SLCO5A1: variants seen among roughly 807,000 people sequenced by gnomAD.
SLCO5A1 encodes the protein organic anion transporter polypeptide-related protein 4.
A neutral mutation model predicts 65.1 loss-of-function variants in SLCO5A1; 39 were observed. The observed-to-expected ratio is 0.60, with a 90% confidence interval of 0.46 to 0.78. The LOEUF is 0.78. Ranked by LOEUF, SLCO5A1 falls within the 30% of genes least tolerant of loss-of-function variation. The pLI is 0.00. For missense variants in SLCO5A1, 1,029 were observed against 1,069.4 expected (o/e 0.96, Z 0.53); for synonymous variants, 438 against 415.7 (o/e 1.05, Z -0.65).
At chr8:69,699,379 C>A (rs1241497705) in intron 6 of SLCO5A1, among the ~76,000 whole-genome samples, 1 of 152,144 alleles carries the variant, frequency 6.6e-6, no homozygotes, top group Non-Finnish European at 1.5e-5. Context: ...GGCTTACAAG[C>A]CTGTAGTCCT....
intron 2 of SLCO5A1, among the ~76,000 whole-genome samples, chr8:69,767,227 C>A (rs572856577): frequency 1.3e-5 from 2 of 152,290 alleles, no homozygotes; most frequent in South Asian, 4.1e-4. Flanking sequence ...AGTGCCCACT[C>A]CCCTCTGAGA....
intron 2 of SLCO5A1, among the ~76,000 whole-genome samples, chr8:69,785,778 G>C (rs1259483728): frequency 2.0e-5 from 3 of 152,102 alleles, no homozygotes; most frequent in Non-Finnish European, 2.9e-5. Context: ...CAAATATCAA[G>C]AGCAAACCAT....
At chr8:69,719,437 T>G (rs923487706) in intron 5 of SLCO5A1, among the ~76,000 whole-genome samples, 5 of 152,066 alleles carry the variant, frequency 3.3e-5, no homozygotes, top group Admixed American at 6.5e-5. Flanking sequence ...TTAATCAACC[T>G]TATAGAAACT....
Position 69,738,039 on chromosome 8 carries a change from C to G in SLCO5A1, c.1423+1G>C. 6.2e-7 allele frequency: 1 copy of G among 1,613,122 alleles called. No homozygotes were observed. Among genetic ancestry groups the G allele is most frequent in the South Asian group, 1.1e-5 (1 of 90,934 alleles). On this transcript the variant is annotated splice_donor_variant, in intron 5 of 9. Transcript: ENST00000260126. LOFTEE classifies it high-confidence loss of function. ...AAGCAGCCCTAGCGGCAGTGCCTTA[C>G]CAGTGTAGATGCTGGCATTGGAGGC...
intron 5 of SLCO5A1, among the ~76,000 whole-genome samples, chr8:69,729,347 G>T (rs1268217436): frequency 6.6e-6 from 1 of 151,112 alleles, no homozygotes; most frequent in Admixed American, 6.6e-5. Context: ...GGGAGGCTGA[G>T]GCAGGAGAAT....
intron 2 of SLCO5A1, among the ~76,000 whole-genome samples, chr8:69,785,839 T>C (rs1390723519): frequency 6.6e-6 from 1 of 152,210 alleles, no homozygotes; most frequent in East Asian, 1.9e-4. Context: ...AGGATATTAA[T>C]ATGTGCAACA....
rs1813259358 is a variant in SLCO5A1 at position 69,669,003 on chromosome 8, AT to A, written c.*3865del. Reference sequence around the variant, plus strand: ...TTCTGAAAGAGGAAAATAAAAAAAAATACACTTGAAATCCCTAAAGCTCAGA... The same window carrying A: ...TTCTGAAAGAGGAAAATAAAAAAAAAACACTTGAAATCCCTAAAGCTCAGA... On this transcript the variant is annotated 3_prime_UTR_variant, in exon 10 of 10. Coordinates refer to ENST00000260126, the MANE Select transcript of SLCO5A1 (RefSeq NM_030958.3). 1 of 152,214 alleles carries A rather than the reference AT, an allele frequency of 6.6e-6. No homozygotes were observed. The highest frequency in any genetic ancestry group is 2.4e-5 in the African/African-American group (1 of 41,456). The allele number at this position is 152,214 out of a possible 1,614,324, so 9.4% of individuals were successfully genotyped here.
intron 2 of SLCO5A1, among the ~76,000 whole-genome samples, chr8:69,818,093 C>G (rs1332476339): frequency 6.6e-6 from 1 of 152,198 alleles, no homozygotes; most frequent in Non-Finnish European, 1.5e-5. Context: ...CATCATTTCT[C>G]TCACTGAACT....
At chr8:69,683,224 G>A (rs761715070) in intron 6 of SLCO5A1, among the ~76,000 whole-genome samples, 9 of 152,226 alleles carry the variant, frequency 5.9e-5, no homozygotes, top group East Asian at 5.8e-4. Context: ...TGTACTGCTC[G>A]TACCCCATGA....
At chr8:69,689,923 C>G (rs1402625624) in intron 6 of SLCO5A1, among the ~76,000 whole-genome samples, 4 of 152,150 alleles carry the variant, frequency 2.6e-5, no homozygotes, top group African/African-American at 9.7e-5. Context: ...TATAAATTAC[C>G]TTGGGCAGTA....
chr8:69,813,128 G>A lies in SLCO5A1; in HGVS notation c.907+18639C>T, dbSNP rs148259996. 1.3e-4 allele frequency among the ~76,000 whole-genome samples: 20 copies of A among 152,214 alleles called. No individual in the cohort carries two copies. In the East Asian group the frequency reaches 3.7e-3, roughly 28 times the overall value. The stretch of plus-strand genomic sequence containing the variant: ...CACATTGATCAGAAATTGATTTACA[G>A]CCAGGAAGTCTAAGATCAGGGACTT... On this transcript the variant is annotated intron_variant, in intron 2 of 9. Transcript: ENST00000260126.
rs954020334 is a variant in SLCO5A1, at chr8:69,729,163, C to T, written c.1423+8877G>A. On this transcript the variant is annotated intron_variant, in intron 5 of 9. Transcript: ENST00000260126. The stretch of plus-strand genomic sequence containing the variant: ...GGAGCATCAAAAAGAATGATAACTG[C>T]GCCCGGTGCAGTGGCTCACGCCTGT... Among the ~76,000 whole-genome samples, 7 of 152,112 alleles carry T rather than the reference C, an allele frequency of 4.6e-5. 1 individual carries two copies. The East Asian group carries it at 5.8e-4, about 13-fold the overall frequency.
At chr8:69,701,823 G>T (rs1455926856) in intron 6 of SLCO5A1, among the ~76,000 whole-genome samples, 1 of 152,096 alleles carries the variant, frequency 6.6e-6, no homozygotes, top group Admixed American at 6.5e-5. Flanking sequence ...ATTCATATTT[G>T]GCTCAGAATA....
intron 2 of SLCO5A1, among the ~76,000 whole-genome samples, chr8:69,775,873 G>C (rs1818532021): frequency 6.6e-6 from 1 of 152,134 alleles, no homozygotes; most frequent in Admixed American, 6.6e-5. Context: ...AAATTAGCCA[G>C]GTGTGGTGGT....
chr8:69,763,020 G>C (rs1159182293), intron 2 of SLCO5A1, among the ~76,000 whole-genome samples: 1 of 152,056 alleles, frequency 6.6e-6, no homozygotes, highest in African/African-American at 2.4e-5. Context: ...CATCAAAATG[G>C]GCATATAGGC....
At chr8:69,707,771 T>C (rs989706247) in intron 5 of SLCO5A1, among the ~76,000 whole-genome samples, 1 of 151,894 alleles carries the variant, frequency 6.6e-6, no homozygotes, top group African/African-American at 2.4e-5. Flanking sequence ...GCCCAATAAA[T>C]TAGATAAGGA....
chr8:69,710,486 G>C (rs530228993), intron 5 of SLCO5A1, among the ~76,000 whole-genome samples: 1 of 152,136 alleles, frequency 6.6e-6, no homozygotes, highest in Admixed American at 6.5e-5. Flanking sequence ...TAGGTCCCTG[G>C]AATCTCACCC....
intron 3 of SLCO5A1, among the ~76,000 whole-genome samples, chr8:69,759,634 C>G (rs1817675193): frequency 6.6e-6 from 1 of 152,034 alleles, no homozygotes; most frequent in African/African-American, 2.4e-5. Context: ...CTCTTCATCT[C>G]TCAATTTTAT....
chr8:69,743,791 C>T (rs1816904729), intron 4 of SLCO5A1, among the ~76,000 whole-genome samples: 1 of 152,122 alleles, frequency 6.6e-6, no homozygotes, highest in Non-Finnish European at 1.5e-5. Flanking sequence ...CTACAGGCAA[C>T]CCAACAGCCA....
Sources: gnomAD v4.1 joint callset for allele counts (sites outside exome capture counted in the v4.1 genomes callset) on GRCh38, gnomAD v4.1.1 for gene constraint, MANE v1.5 for transcripts, NCBI Gene and HGNC (gene_info 2026-07-23, HGNC 2026-07-21) for gene names.